FHAD1: variants seen among roughly 807,000 people sequenced by gnomAD.
The protein encoded by FHAD1 is forkhead-associated domain-containing protein 1.
FHAD1 carries 146 observed loss-of-function variants against 191.3 expected under a neutral mutation model. The ratio of observed to expected loss-of-function variants is 0.76; its 90% CI spans 0.67 to 0.88. FHAD1 has a LOEUF of 0.88. Among genes scored for constraint, FHAD1 ranks in the 40% least tolerant of loss-of-function variants. FHAD1 has a pLI of 0.00. For missense variants in FHAD1, 1,635 were observed against 1,785.8 expected (o/e 0.92, Z 1.52); for synonymous variants, 616 against 672.3 (o/e 0.92, Z 1.29).
At chr1:15,402,953 A>G (rs1707157955), downstream of FHAD1, 1 of 152,210 alleles carries the variant, frequency 6.6e-6, no homozygotes. Context: ...GCAGAGCAGC[A>G]TGATATGTAA....
intron 2 of FHAD1, among the ~76,000 whole-genome samples, chr1:15,267,701 G>A (rs10927755): frequency 0.067 from 10,050 of 150,638 alleles, 659 homozygotes; most frequent in East Asian, 0.16. Flanking sequence ...CAAGAAATTG[G>A]TCCATTTCAT....
chr1:15,268,483 C>T (rs12028412), intron 2 of FHAD1, among the ~76,000 whole-genome samples: 48,129 of 98,226 alleles, frequency 0.49, 14,205 homozygotes, highest in East Asian at 0.71. Flanking sequence ...TATAGCAGCG[C>T]GATTTATAGT....
At position 15,328,351 on chromosome 1, in the gene FHAD1, G is replaced by A. The variant is rs1237207052; in HGVS notation, c.1632G>A (p.Glu544=). ...AGAAAAAGTGGACCCTCCAGAAAGA[G>A]ACCCAGCTGAGCAACTCCAAGCAGG... is the stretch of plus-strand genomic sequence containing the variant. ...FQQKKWTLQK[E]TQLSNSKQEE... The change falls in exon 13 of 34, where the codon GAG becomes GAA. Residue 544 remains glutamate, a synonymous_variant. Coordinates refer to ENST00000688493, the MANE Select transcript of FHAD1 (RefSeq NM_001391957.1). 6.5e-7 allele frequency: 1 copy of A among 1,547,936 alleles called. No individual in the cohort carries two copies. Among genetic ancestry groups the A allele is most frequent in the Non-Finnish European group, 8.7e-7 (1 of 1,145,840 alleles).
chr1:15,272,250 A>T (rs1656379709), intron 2 of FHAD1, 73 bp from the exon 3 acceptor site: 1 of 1,374,466 alleles, frequency 7.3e-7, no homozygotes, highest in East Asian at 2.5e-5. Flanking sequence ...CAGGTAAGGC[A>T]CTCAGCTCAA....
intron 15 of FHAD1, among the ~76,000 whole-genome samples, chr1:15,340,293 TAAAC>T (rs939773419): frequency 1.4e-4 from 22 of 152,250 alleles, no homozygotes; most frequent in African/African-American, 3.9e-4. Flanking sequence ...TATTATATAA[TAAAC>T]AACCACAAAA....
chr1:15,345,002 G>C (rs1273353157), intron 16 of FHAD1, 81 bp from the exon 17 acceptor site: 4 of 1,051,364 alleles, frequency 3.8e-6, no homozygotes, highest in East Asian at 5.2e-5. Context: ...GGAGTGAAGA[G>C]GTAGCACATG....
intron 33 of FHAD1, among the ~76,000 whole-genome samples, chr1:15,392,021 T>A (rs1335456149): frequency 6.6e-6 from 1 of 152,184 alleles, no homozygotes; most frequent in Admixed American, 6.5e-5. Flanking sequence ...GTGTTGACAT[T>A]GGGATGGGCC....
At chr1:15,315,094 C>T (rs1383477943) in intron 8 of FHAD1, 1 of 152,040 alleles carries the variant, frequency 6.6e-6, no homozygotes, top group African/African-American at 2.4e-5. Flanking sequence ...AGCACGTGGG[C>T]TCCTCGTGAC....
Position 15,381,453 on chromosome 1 carries a change from T to TA in FHAD1, c.4022+3dup. 6.5e-7 allele frequency: 1 copy of TA among 1,549,982 alleles called. No individual in the cohort carries two copies. Among genetic ancestry groups the TA allele is most frequent in the Non-Finnish European group, 8.7e-7 (1 of 1,146,172 alleles). On this transcript the variant is annotated splice_region_variant and intron_variant, in intron 30 of 33. Coordinates refer to ENST00000688493, the MANE Select transcript of FHAD1 (RefSeq NM_001391957.1). The surrounding 1 kb of genome is among the most constrained non-coding windows in gnomAD (Gnocchi z 4.6). ...TGAAAAGGACGTTGAACAGCTCAGG[T>TA]ACCTCGGCACCCCCATGTCCCCACA...
At chr1:15,285,481 C>T (rs981833080) in intron 3 of FHAD1, among the ~76,000 whole-genome samples, 2 of 152,048 alleles carry the variant, frequency 1.3e-5, no homozygotes, top group Admixed American at 6.6e-5. Flanking sequence ...TGCAGTGAGC[C>T]GAGATCACGC....
rs958605992 is a variant in FHAD1 at position 15,381,401 on chromosome 1, G to A, written c.3972G>A (p.Gly1324=). Residue 1324 remains glycine, a synonymous_variant, in exon 30 of 34, where the codon GGG becomes GGA. Transcript: ENST00000688493. This position sits in a 1 kb window ranked among gnomAD's most constrained non-coding sequence, Gnocchi z 4.6. ...TCACCCAACTCAAGAACCAGCTGGG[G>A]AGGAAAGAGGAGCTGTTGAGAGGAT... is the stretch of plus-strand genomic sequence containing the variant. ...DKITQLKNQL[G]RKEELLRGYE... 9.7e-6 allele frequency: 15 copies of A among 1,551,642 alleles called. No individual in the cohort carries two copies. The African/African-American group carries it at 1.9e-4, about 20-fold the overall frequency.
At chr1:15,375,507 G>T (rs1699340226) in intron 27 of FHAD1, 96 bp from the exon 28 acceptor site, 3 of 1,189,154 alleles carry the variant, frequency 2.5e-6, no homozygotes, top group Non-Finnish European at 3.4e-6. Context: ...ATTAAAACAG[G>T]CCTGTGTAAG....
intron 33 of FHAD1, among the ~76,000 whole-genome samples, chr1:15,393,607 CTT>C (rs34399811): frequency 3.5e-5 from 5 of 142,248 alleles, no homozygotes; most frequent in Non-Finnish European, 3.1e-5. Context: ...CAGTCTTGGG[CTT>C]TTTTTTTTTT....
In FHAD1 at chr1:15,257,276, G is replaced by A. The variant is rs960352924; in HGVS notation, c.93+5399G>A. Among the ~76,000 whole-genome samples, 4 of 152,170 alleles carry A rather than the reference G, an allele frequency of 2.6e-5. 1 individual carries two copies. The South Asian group carries it at 6.2e-4, about 24-fold the overall frequency. On this transcript the variant is annotated intron_variant, in intron 2 of 33. Transcript: ENST00000688493. The stretch of plus-strand genomic sequence containing the variant: ...CAGTGAGGGCACCCCCTCCCCTCCC[G>A]AGTGGAGCATGTGACCTACCTGACA...
intron 15 of FHAD1, among the ~76,000 whole-genome samples, 154 bp downstream of exon 15, chr1:15,339,705 AGG>A (rs1156851419): frequency 3.3e-5 from 5 of 152,238 alleles, no homozygotes; most frequent in Non-Finnish European, 5.9e-5. Context: ...GCACACAAAG[AGG>A]TACAGAAAAG....
At chr1:15,349,750 C>T (rs957395932) in intron 19 of FHAD1, among the ~76,000 whole-genome samples, 2 of 152,212 alleles carry the variant, frequency 1.3e-5, no homozygotes, top group African/African-American at 2.4e-5. Context: ...TCAGTGCCTT[C>T]TGGAATGGAC....
At chr1:15,350,619 T>C (rs1205740810) in intron 19 of FHAD1, among the ~76,000 whole-genome samples, 3 of 152,218 alleles carry the variant, frequency 2.0e-5, no homozygotes, top group Non-Finnish European at 4.4e-5. Context: ...ATCTCAGCTC[T>C]GCCCTAACAG....
chr1:15,387,100 G>A lies in FHAD1; in HGVS notation c.4189-951G>A, dbSNP rs183077754. 3.7e-3 allele frequency among the ~76,000 whole-genome samples: 563 copies of A among 152,124 alleles called. 1 individual carries two copies. The highest frequency in any genetic ancestry group is 0.027 in the Middle Eastern group (8 of 294). Reference sequence around the variant, plus strand: ...TAGAGAGTTTTACCATGTTGCCCAGGCTGATCTGGAACTCCTGGGCTCAAG... The same window carrying A: ...TAGAGAGTTTTACCATGTTGCCCAGACTGATCTGGAACTCCTGGGCTCAAG... On this transcript the variant is annotated intron_variant, in intron 31 of 33. Transcript: ENST00000688493.
chr1:15,242,639 A>C (rs1166859565), upstream of FHAD1, among the ~76,000 whole-genome samples: 1 of 152,196 alleles, frequency 6.6e-6, no homozygotes, highest in East Asian at 1.9e-4. Context: ...CCTATCTCTT[A>C]TATCCATATC....
Sources: allele counts gnomAD v4.1 joint callset (sites outside exome capture counted in the v4.1 genomes callset), GRCh38; gene constraint gnomAD v4.1.1; non-coding constraint Gnocchi (gnomAD v3.1); transcripts MANE v1.5; gene names NCBI Gene and HGNC (gene_info 2026-07-23, HGNC 2026-07-21).